SOX5: variants seen among roughly 807,000 people sequenced by gnomAD.
SOX5 encodes transcription factor SOX-5.
Under a neutral mutation model 92.0 loss-of-function variants are expected in SOX5, and 9 were observed. The ratio of observed to expected loss-of-function variants is 0.10; its 90% CI spans 0.06 to 0.17. The LOEUF is 0.17. SOX5 is among the 10% of genes least tolerant of loss of function. The pLI is 1.00. For synonymous variants in SOX5, 344 were observed against 336.3 expected (o/e 1.02, Z -0.25); for missense variants, 642 against 944.5 (o/e 0.68, Z 4.20).
At chr12:24,479,323 G>A (rs1368061085) in intron 1 of SOX5, among the ~76,000 whole-genome samples, 2 of 152,142 alleles carry the variant, frequency 1.3e-5, no homozygotes, top group East Asian at 3.9e-4. Flanking sequence ...TTTCTACTCC[G>A]CGTATTTGTT....
intron 4 of SOX5, among the ~76,000 whole-genome samples, chr12:23,988,978 T>A (rs1229209218): frequency 6.6e-6 from 1 of 152,138 alleles, no homozygotes; most frequent in Non-Finnish European, 1.5e-5. Context: ...GTGCCAGCCT[T>A]AAAGGAATAG....
At chr12:23,645,151 G>A (rs1483028174) in intron 7 of SOX5, among the ~76,000 whole-genome samples, 1 of 152,136 alleles carries the variant, frequency 6.6e-6, no homozygotes, top group East Asian at 1.9e-4. Flanking sequence ...TCATCAGTAG[G>A]TAGTATAGGA....
rs368674869 is a variant in SOX5 at position 24,011,443 on chromosome 12, A to G, written c.-1-115419T>C. Among the ~76,000 whole-genome samples the G allele has an allele frequency of 1.9e-3, 292 of 152,262 alleles. 1 individual carries two copies. The highest frequency in any genetic ancestry group is 6.6e-3 in the African/African-American group (273 of 41,548). ...CCATTGTGACTAAAATTTTCCTTAT[A>G]TATTTTCTTTCCTAATTCTCTCCCT... On this transcript the variant is annotated intron_variant, in intron 4 of 4. Coordinates refer to the SOX5 transcript ENST00000446891.
intron 2 of SOX5, among the ~76,000 whole-genome samples, chr12:24,289,236 G>A (rs370798043): frequency 4.0e-5 from 6 of 151,432 alleles, no homozygotes; most frequent in African/African-American, 1.2e-4. Context: ...AGCCGTGATC[G>A]CATCACTGTA....
intron 10 of SOX5, among the ~76,000 whole-genome samples, chr12:23,572,655 G>A (rs1291962795): frequency 6.6e-6 from 1 of 152,100 alleles, no homozygotes; most frequent in African/African-American, 2.4e-5. Flanking sequence ...CACAAAAGTT[G>A]CTCATGTACT....
intron 1 of SOX5, among the ~76,000 whole-genome samples, chr12:23,917,219 G>C (rs1398130084): frequency 2.0e-5 from 3 of 152,038 alleles, no homozygotes; most frequent in Non-Finnish European, 2.9e-5. Context: ...GCATTATTGA[G>C]AGAAGGTACA....
At chr12:23,609,539 A>G (rs1354381402) in intron 8 of SOX5, among the ~76,000 whole-genome samples, 1 of 148,024 alleles carries the variant, frequency 6.8e-6, no homozygotes, top group Non-Finnish European at 1.5e-5. Flanking sequence ...GAAAAGACAA[A>G]CAGAGGAACA....
chr12:24,017,495 G>A (rs1261538095), intron 4 of SOX5, among the ~76,000 whole-genome samples: 1 of 152,122 alleles, frequency 6.6e-6, no homozygotes, highest in Non-Finnish European at 1.5e-5. Context: ...AGCTACTTGG[G>A]AGGCTGAGGC....
rs114490642 is a variant in SOX5, at chr12:23,805,180, T to G, written c.481+40803A>C. ...TGTTTTGAACTTGTGAGAAATAATA[T>G]AGTGTAATAGTTTAAAAGCTAGCTT... On this transcript the variant is annotated intron_variant, in intron 3 of 14. Transcript: ENST00000451604. 9.9e-3 allele frequency among the ~76,000 whole-genome samples: 1,498 copies of G among 151,734 alleles called. 26 individuals carry two copies. Among genetic ancestry groups the G allele is most frequent in the African/African-American group, 0.034 (1,422 of 41,412 alleles).
chr12:23,802,199 G>A (rs1220849108), intron 3 of SOX5, among the ~76,000 whole-genome samples: 5 of 151,698 alleles, frequency 3.3e-5, no homozygotes, highest in Admixed American at 6.6e-5. Context: ...TCAGCCTCCC[G>A]AGTAGCTGGG....
chr12:24,095,166 G>C (rs1945245614), intron 4 of SOX5, among the ~76,000 whole-genome samples: 2 of 149,238 alleles, frequency 1.3e-5, no homozygotes, highest in Admixed American at 1.3e-4. Context: ...GACAGAGACA[G>C]AGAGACAGAG....
intron 1 of SOX5, among the ~76,000 whole-genome samples, chr12:24,497,760 T>G (rs1457350428): frequency 1.3e-5 from 2 of 152,188 alleles, no homozygotes; most frequent in African/African-American, 4.8e-5. Context: ...ATAAGTTCAT[T>G]ACAGCACTAT....
At chr12:23,573,178 C>G (rs988351374) in intron 10 of SOX5, among the ~76,000 whole-genome samples, 1 of 152,116 alleles carries the variant, frequency 6.6e-6, no homozygotes, top group African/African-American at 2.4e-5. Flanking sequence ...CCTCTCCCCC[C>G]TTGAAGAGTA....
intron 10 of SOX5, among the ~76,000 whole-genome samples, chr12:23,564,441 C>CGAGG (rs1946730800): frequency 6.6e-6 from 1 of 152,136 alleles, no homozygotes; most frequent in Non-Finnish European, 1.5e-5. Flanking sequence ...AGAAAAGGGA[C>CGAGG]TTGTTTGTGA....
At chr12:23,898,945 A>G (rs1198760041) in intron 1 of SOX5, among the ~76,000 whole-genome samples, 11 of 152,252 alleles carry the variant, frequency 7.2e-5, no homozygotes, top group Admixed American at 7.2e-4. Context: ...TAAACTATAT[A>G]ACAAATTACA....
At chr12:23,913,232 G>C (rs1029942765) in intron 1 of SOX5, among the ~76,000 whole-genome samples, 1 of 151,908 alleles carries the variant, frequency 6.6e-6, no homozygotes, top group South Asian at 2.1e-4. Flanking sequence ...GCTTTAAATT[G>C]GATTTTTCCC....
chr12:24,301,707 A>C (rs906151712), intron 2 of SOX5, among the ~76,000 whole-genome samples: 13 of 152,194 alleles, frequency 8.5e-5, no homozygotes, highest in African/African-American at 3.1e-4. Flanking sequence ...AATTTTTTAA[A>C]CCAGCATGAG....
At chr12:24,185,803 T>C (rs1223397980) in intron 4 of SOX5, among the ~76,000 whole-genome samples, 2 of 152,188 alleles carry the variant, frequency 1.3e-5, no homozygotes, top group African/African-American at 4.8e-5. Context: ...CCATGATTAA[T>C]ATTATTTGTT....
At chr12:23,554,585 A>G (rs1261951709) in intron 11 of SOX5, among the ~76,000 whole-genome samples, 1 of 152,164 alleles carries the variant, frequency 6.6e-6, no homozygotes, top group Admixed American at 6.6e-5. Context: ...ATACTGTTCT[A>G]TTTACATTAC....
Sources: allele counts gnomAD v4.1 joint callset (sites outside exome capture counted in the v4.1 genomes callset), GRCh38; gene constraint gnomAD v4.1.1; transcripts MANE v1.5; gene names NCBI Gene and HGNC (gene_info 2026-07-23, HGNC 2026-07-21).